MACC1: variants seen among roughly 807,000 people sequenced by gnomAD.
The protein encoded by MACC1 is metastasis-associated in colon cancer protein 1.
MACC1 carries 79 observed loss-of-function variants against 70.7 expected under a neutral mutation model. The ratio of observed to expected loss-of-function variants is 1.12; its 90% confidence interval spans 0.93 to 1.35. The LOEUF (loss-of-function observed/expected upper bound fraction) is 1.35, where lower values mean the gene tolerates loss of function less well. Among genes scored for constraint, MACC1 ranks in the 40% most tolerant of loss-of-function variants. The pLI, the probability that MACC1 is intolerant of heterozygous loss-of-function variation, is 0.00. For missense variants in MACC1, 1,106 were observed against 978.1 expected (o/e 1.13, Z -1.74); for synonymous variants, 361 against 347.2 (o/e 1.04, Z -0.44).
chr7:20,156,579 C>T (rs1317226703), intron 5 of MACC1, among the ~76,000 whole-genome samples: 2 of 152,190 alleles, frequency 1.3e-5, no homozygotes, highest in African/African-American at 4.8e-5. Flanking sequence ...GCACACGCAG[C>T]TTCCACCAGG....
At chr7:20,176,876 A>G (rs1011305423) in intron 1 of MACC1, among the ~76,000 whole-genome samples, 1 of 152,186 alleles carries the variant, frequency 6.6e-6, no homozygotes, top group African/African-American at 2.4e-5. Flanking sequence ...AATTATAGTG[A>G]TGGCGAGCAG....
At chr7:20,165,578 G>A (rs915040133) in intron 2 of MACC1, among the ~76,000 whole-genome samples, 4 of 151,580 alleles carry the variant, frequency 2.6e-5, no homozygotes, top group African/African-American at 9.7e-5. Context: ...AGATCTGCCT[G>A]GACAATGGCA....
At chr7:20,189,293 T>C (rs1008669139) in intron 1 of MACC1, among the ~76,000 whole-genome samples, 1 of 152,206 alleles carries the variant, frequency 6.6e-6, no homozygotes, top group African/African-American at 2.4e-5. Flanking sequence ...ATGTCCTATC[T>C]CACCATACTA....
At chr7:20,204,479 C>T (rs552486584) in intron 1 of MACC1, among the ~76,000 whole-genome samples, 10 of 152,256 alleles carry the variant, frequency 6.6e-5, no homozygotes, top group African/African-American at 1.9e-4. Context: ...ATGTGATCTT[C>T]GAGTCTTTCT....
intron 1 of MACC1, among the ~76,000 whole-genome samples, chr7:20,178,572 A>C (rs1376851729): frequency 6.6e-6 from 1 of 152,136 alleles, no homozygotes; most frequent in East Asian, 1.9e-4. Flanking sequence ...TAGTTTCACT[A>C]TGGAGTACAC....
rs773084987 is a variant in MACC1, at chr7:20,160,259, G to A, written c.116-14C>T. 3.3e-6 allele frequency: 5 copies of A among 1,527,246 alleles called. No homozygotes were observed. The South Asian group carries it at 4.0e-5, about 12-fold the overall frequency. The allele number at this position is 1,527,246 out of a possible 1,614,324, so 94.6% of individuals were successfully genotyped here. On this transcript the variant is annotated splice_polypyrimidine_tract_variant and intron_variant, in intron 4 of 6. Coordinates refer to ENST00000400331, the MANE Select transcript of MACC1 (RefSeq NM_182762.4). ...GGTCCTGGCATTCTTGTTATTTAAG[G>A]AAAGACAAAGCAAAACAAAGATAAG... is the stretch of plus-strand genomic sequence containing the variant.
At chr7:20,144,590 G>A (rs1040962775) in intron 6 of MACC1, among the ~76,000 whole-genome samples, 5 of 152,076 alleles carry the variant, frequency 3.3e-5, no homozygotes, top group Non-Finnish European at 5.9e-5. Flanking sequence ...CATATAGTTT[G>A]CATTTATACT....
intron 6 of MACC1, among the ~76,000 whole-genome samples, chr7:20,146,285 T>C (rs1278388847): frequency 1.3e-5 from 2 of 152,210 alleles, no homozygotes; most frequent in East Asian, 1.9e-4. Flanking sequence ...ATATGAACAT[T>C]TGGACACAAG....
Position 20,159,695 on chromosome 7 carries a change from T to C in MACC1, c.666A>G (p.Gly222=), listed in dbSNP as rs1782112865. The C allele has an allele frequency of 6.2e-7, 1 of 1,614,152 alleles. No individual in the cohort carries two copies. The highest frequency in any genetic ancestry group is 1.3e-5 in the African/African-American group (1 of 75,054). The change falls in exon 5 of 7, where the codon GGA becomes GGG. Residue 222 remains glycine (G), a synonymous_variant. Coordinates refer to ENST00000400331, the MANE Select transcript of MACC1 (RefSeq NM_182762.4). ...VTIACKVNHQ[G]GSVQLPESDI... is the part of the protein sequence containing the mutation. ...CTGATTCAGGTAATTGTACTGACCCTCCTTGATGGTTTACTTTGCAAGCTA... is the reference window on the plus strand; with the variant it reads ...CTGATTCAGGTAATTGTACTGACCCCCCTTGATGGTTTACTTTGCAAGCTA...
intron 1 of MACC1, among the ~76,000 whole-genome samples, chr7:20,187,150 G>T (rs1583403854): frequency 6.6e-6 from 1 of 152,098 alleles, no homozygotes; most frequent in Admixed American, 6.6e-5. Flanking sequence ...CATGTAAATG[G>T]TAAGACCATA....
At position 20,161,854 on chromosome 7, in the gene MACC1, G is replaced by C; in HGVS notation, c.9C>G (p.Ile3Met). 6.2e-7 allele frequency: 1 copy of C among 1,606,794 alleles called. No individual in the cohort carries two copies. The highest frequency in any genetic ancestry group is 8.5e-7 in the Non-Finnish European group (1 of 1,173,910). ...CTGACCGAAAATGTTTTCTTTCAGT[G>C]ATTAGCATTTTTCCACCTACAAAGT... MLITERKHFRSGR... is the reference protein window; with the variant it reads MLMTERKHFRSGR... The change falls in exon 4 of 7, where the codon ATC becomes ATG. Residue 3 changes from isoleucine to methionine, a missense_variant. By Grantham distance (10) the Ile-to-Met change is conservative. Coordinates refer to ENST00000400331, the MANE Select transcript of MACC1 (RefSeq NM_182762.4).
chr7:20,181,919 T>C (rs1413405933), intron 1 of MACC1, among the ~76,000 whole-genome samples: 1 of 152,042 alleles, frequency 6.6e-6, no homozygotes, highest in Non-Finnish European at 1.5e-5. Context: ...ATGAGAAGTC[T>C]AGGAGGTCAA....
chr7:20,178,848 T>C (rs1782455259), intron 1 of MACC1, among the ~76,000 whole-genome samples: 1 of 152,136 alleles, frequency 6.6e-6, no homozygotes, highest in Admixed American at 6.5e-5. Context: ...GATCCTCCCA[T>C]CTTGGCCTCC....
chr7:20,181,411 CTT>C (rs1007277637), intron 1 of MACC1, among the ~76,000 whole-genome samples: 3 of 151,864 alleles, frequency 2.0e-5, no homozygotes, highest in Non-Finnish European at 4.4e-5. Flanking sequence ...ACAAATAAAA[CTT>C]ATAAGTGTAT....
intron 1 of MACC1, among the ~76,000 whole-genome samples, chr7:20,183,809 G>A (rs1346797267): frequency 6.6e-6 from 1 of 150,916 alleles, no homozygotes; most frequent in Non-Finnish European, 1.5e-5. Flanking sequence ...CCGGGTTCAA[G>A]CAATTCTCCT....
rs1483736040 is a variant in MACC1 at position 20,160,086 on chromosome 7, TTA to T, written c.273_274del (p.Asn91LysfsTer14). On this transcript the variant is annotated frameshift_variant, in exon 5 of 7. Transcript: ENST00000400331. LOFTEE classifies it high-confidence loss of function. ...AGGATCTTCCTTTAAGATGGAAATA[TTA>T]TTTCTCTTCCTGTTATTTCTTAGTT... The T allele has an allele frequency of 6.2e-7, 1 of 1,612,016 alleles. No individual in the cohort carries two copies. Among genetic ancestry groups the T allele is most frequent in the African/African-American group, 1.3e-5 (1 of 74,896 alleles).
At chr7:20,177,972 A>G (rs77952404) in intron 1 of MACC1, among the ~76,000 whole-genome samples, 14,468 of 151,946 alleles carry the variant, frequency 0.095, 878 homozygotes, top group Middle Eastern at 0.16. Context: ...ATTTATCTCC[A>G]TTACCTTATT....
intron 1 of MACC1, among the ~76,000 whole-genome samples, chr7:20,171,586 G>T (rs1421828265): frequency 7.6e-4 from 99 of 129,670 alleles, no homozygotes; most frequent in African/African-American, 2.7e-3. Context: ...AATTATATCT[G>T]TTTTTTTTTT....
At chr7:20,177,538 G>C (rs1222347797) in intron 1 of MACC1, among the ~76,000 whole-genome samples, 1 of 151,730 alleles carries the variant, frequency 6.6e-6, no homozygotes, top group African/African-American at 2.4e-5. Flanking sequence ...TTTTTCTCTG[G>C]TGTTTCTCTT....
Sources: gnomAD v4.1 joint callset for allele counts (sites outside exome capture counted in the v4.1 genomes callset) on GRCh38, gnomAD v4.1.1 for gene constraint, MANE v1.5 for transcripts, NCBI Gene and HGNC (gene_info 2026-07-23, HGNC 2026-07-21) for gene names.